Variants in COA1 observed in about 807,000 individuals in gnomAD.
COA1 encodes the protein cytochrome c oxidase assembly factor 1 homolog.
In COA1, 13 loss-of-function variants were observed where a neutral mutation model predicts 16.0. The observed-to-expected ratio is 0.81, with a 90% CI of 0.53 to 1.29. The LOEUF is 1.29. COA1 is among the 50% of genes most tolerant of loss of function. The pLI is 0.00. For synonymous variants in COA1, 65 were observed against 65.7 expected, an observed-to-expected ratio of 0.99 and a Z score of 0.05; for missense variants, 179 against 177.0, an observed-to-expected ratio of 1.01 and a Z score of -0.06.
intron 1 of COA1, among the ~76,000 whole-genome samples, chr7:43,724,875 G>C (rs2095581918): frequency 6.6e-6 from 1 of 152,214 alleles, no homozygotes; most frequent in Admixed American, 6.5e-5. Flanking sequence ...AAAATATAAT[G>C]GTAGTTGCCA....
At chr7:43,674,216 C>A (rs1240500466) in intron 1 of COA1, among the ~76,000 whole-genome samples, 1 of 152,136 alleles carries the variant, frequency 6.6e-6, no homozygotes, top group Admixed American at 6.5e-5. Flanking sequence ...TCTTTCTCCC[C>A]CACCCAATAG....
chr7:43,644,742 A>G (rs2088407210), intron 4 of COA1, among the ~76,000 whole-genome samples: 2 of 91,550 alleles, frequency 2.2e-5, no homozygotes, highest in South Asian at 3.4e-4. Flanking sequence ...AGATAGATAG[A>G]TAGATAGATA....
chr7:43,626,327 CAT>C (rs1323513012), intron 6 of COA1: 2 of 152,182 alleles, frequency 1.3e-5, no homozygotes, highest in African/African-American at 4.8e-5. Flanking sequence ...ATGTCATAGA[CAT>C]ATACAAAGTC....
intron 1 of COA1, among the ~76,000 whole-genome samples, chr7:43,672,983 G>T (rs2093345682): frequency 6.6e-6 from 1 of 152,048 alleles, no homozygotes; most frequent in African/African-American, 2.4e-5. Context: ...ATTGAAACTG[G>T]ACTCCTTCCT....
At chr7:43,608,766 ATT>A (rs1212925660) in exon 7 of COA1, 3 of 161,468 alleles carry the variant, frequency 1.9e-5, no homozygotes, top group Non-Finnish European at 2.7e-5. Flanking sequence ...AAATGGAATC[ATT>A]TCACTGGAAT....
At chr7:43,700,399 T>A (rs2094681138) in intron 1 of COA1, among the ~76,000 whole-genome samples, 1 of 152,044 alleles carries the variant, frequency 6.6e-6, no homozygotes, top group African/African-American at 2.4e-5. Context: ...GAAAGTAGTC[T>A]GATTTGTCTC....
chr7:43,614,707 T>C (rs933250314), intron 6 of COA1, among the ~76,000 whole-genome samples: 3 of 152,198 alleles, frequency 2.0e-5, no homozygotes, highest in Non-Finnish European at 4.4e-5. Flanking sequence ...TCTAGCAACC[T>C]CTCTCTCAGT....
intron 1 of COA1, among the ~76,000 whole-genome samples, chr7:43,710,439 C>A (rs2095204871): frequency 2.1e-5 from 3 of 141,772 alleles, no homozygotes; most frequent in Non-Finnish European, 4.5e-5. Flanking sequence ...ATAGTTACTG[C>A]CTAAAGCCCA....
intron 1 of COA1, among the ~76,000 whole-genome samples, chr7:43,661,501 G>A (rs1217197276): frequency 6.6e-6 from 1 of 152,210 alleles, no homozygotes; most frequent in Non-Finnish European, 1.5e-5. Flanking sequence ...CAGGCGTGGT[G>A]GCGGGCGCCT....
chr7:43,727,731 G>C (rs1230806751), intron 1 of COA1, among the ~76,000 whole-genome samples: 1 of 152,224 alleles, frequency 6.6e-6, no homozygotes, highest in Non-Finnish European at 1.5e-5. Flanking sequence ...AGGTGAGCCT[G>C]CTGAATAAGT....
chr7:43,614,616 C>CAT (rs2083181087), intron 6 of COA1, among the ~76,000 whole-genome samples: 1 of 152,158 alleles, frequency 6.6e-6, no homozygotes, highest in African/African-American at 2.4e-5. Flanking sequence ...AAATTGGGCA[C>CAT]AGTTAGTTGG....
chr7:43,665,465 A>C (rs2092817571), intron 1 of COA1, among the ~76,000 whole-genome samples: 1 of 152,246 alleles, frequency 6.6e-6, no homozygotes, highest in African/African-American at 2.4e-5. Context: ...AAACATTCAC[A>C]TACATCACTC....
chr7:43,677,412 G>A (rs1391764496), intron 1 of COA1, among the ~76,000 whole-genome samples: 1 of 152,196 alleles, frequency 6.6e-6, no homozygotes, highest in East Asian at 1.9e-4. Context: ...TTATTATTTA[G>A]TAAGTTTTGG....
chr7:43,635,211 G>A (rs964197493), downstream of COA1, among the ~76,000 whole-genome samples: 5 of 152,222 alleles, frequency 3.3e-5, no homozygotes, highest in African/African-American at 1.2e-4. Context: ...AATGGTTTGT[G>A]TGTCTCTCCA....
chr7:43,619,078 T>G (rs953014525), intron 6 of COA1, among the ~76,000 whole-genome samples: 1 of 152,142 alleles, frequency 6.6e-6, no homozygotes, highest in African/African-American at 2.4e-5. Context: ...CAAGGATGCT[T>G]GACAGTGCCC....
chr7:43,640,369 A>G (rs2086738682), intron 5 of COA1, among the ~76,000 whole-genome samples: 1 of 152,282 alleles, frequency 6.6e-6, no homozygotes, highest in Non-Finnish European at 1.5e-5. Context: ...AGGGCAATTC[A>G]GTAGACTGTA....
chr7:43,649,304 G>C (rs2090269832), intron 1 of COA1: 1 of 152,196 alleles, frequency 6.6e-6, no homozygotes, highest in South Asian at 2.1e-4. Flanking sequence ...GGTAGAACTG[G>C]GATTCAAATT....
chr7:43,701,174 G>C (rs1295903388), intron 1 of COA1, among the ~76,000 whole-genome samples: 1 of 125,956 alleles, frequency 7.9e-6, no homozygotes, highest in Non-Finnish European at 1.7e-5. Flanking sequence ...CATGTCACTG[G>C]GGTTTGGTGA....
At chr7:43,713,200 C>A (rs2095303575) in intron 1 of COA1, among the ~76,000 whole-genome samples, 1 of 152,186 alleles carries the variant, frequency 6.6e-6, no homozygotes, top group Non-Finnish European at 1.5e-5. Context: ...AATCTGCCCA[C>A]CTTGGCCTCC....
Sources: allele counts gnomAD v4.1 joint callset (sites outside exome capture counted in the v4.1 genomes callset), GRCh38; gene constraint gnomAD v4.1.1; transcripts MANE v1.5; gene names NCBI Gene and HGNC (gene_info 2026-07-23, HGNC 2026-07-21).